Variants in RIC8A observed in about 807,000 individuals in gnomAD.
The protein encoded by RIC8A is chaperone Ric-8A.
RIC8A carries 37 observed loss-of-function variants against 48.4 expected under a neutral mutation model. The ratio of observed to expected loss-of-function variants is 0.77; its 90% CI spans 0.59 to 1.01. RIC8A has a LOEUF of 1.01. Ranked by LOEUF, RIC8A falls within the 50% of genes least tolerant of loss-of-function variation. The pLI is 0.00. For synonymous variants in RIC8A, 288 were observed against 283.4 expected (o/e 1.02, Z -0.16); for missense variants, 681 against 696.8 (o/e 0.98, Z 0.25).
At chr11:212,360 G>C (rs1419316741) in intron 5 of RIC8A, 56 bp from the exon 6 acceptor site, 2 of 1,545,030 alleles carry the variant, frequency 1.3e-6, no homozygotes, top group East Asian at 4.7e-5. Flanking sequence ...GTGTAACTCT[G>C]TGCCAGTCAC....
At chr11:210,873 AC>A in intron 4 of RIC8A, 1 of 611,562 alleles carries the variant, frequency 1.6e-6, no homozygotes, top group Non-Finnish European at 2.9e-6. Context: ...TATGGTACTT[AC>A]TAGGGCACAT....
chr11:210,771 A>G, intron 4 of RIC8A, 109 bp downstream of exon 4: 3 of 1,013,702 alleles, frequency 3.0e-6, no homozygotes, highest in Non-Finnish European at 4.6e-6. Flanking sequence ...CCCACCCTAG[A>G]GAGTCTGACG....
rs749102776 is a variant in RIC8A, at chr11:211,786, A to G, written c.969+437A>G. ...ACAGCTGGGGCTCTAACCATCTTCC[A>G]GGAGCTTGCAGAAAGCAGGCTGGAG... On this transcript the variant is annotated intron_variant, in intron 5 of 9. Transcript: ENST00000526104. This position sits in a 1 kb window ranked among gnomAD's most constrained non-coding sequence, Gnocchi z 4.0. The G allele has an allele frequency of 4.0e-4, 65 of 162,572 alleles. No homozygotes were observed. Among genetic ancestry groups the G allele is most frequent in the Non-Finnish European group, 7.0e-4 (52 of 74,274 alleles). The allele number at this position is 162,572 out of a possible 1,614,324, so 10.1% of individuals were successfully genotyped here. A position where few individuals can be genotyped will look rare whatever the true frequency, so the allele number is the denominator to read the frequency against.
Position 211,228 on chromosome 11 carries a change from C to T in RIC8A, c.848C>T (p.Pro283Leu), listed in dbSNP as rs1369905974. The part of the protein sequence containing the change: ...GHAVNLLGNL[P>L]LKCLDVLLTL... ...GCAGTGAACCTCCTGGGGAACTTGC[C>T]CCTCAAGTGTCTGGATGTTCTCCTC... Residue 283 changes from proline (P) to leucine (L), a missense_variant, in exon 5 of 10, where the codon CCC becomes CTC. Coordinates refer to ENST00000526104, the MANE Select transcript of RIC8A (RefSeq NM_001286134.2). The surrounding 1 kb of genome is among the most constrained non-coding windows in gnomAD (Gnocchi z 4.0). 1 of 1,613,932 alleles carries T rather than the reference C, an allele frequency of 6.2e-7. No individual in the cohort carries two copies. The highest frequency in any genetic ancestry group is 8.5e-7 in the Non-Finnish European group (1 of 1,179,882).
intron 8 of RIC8A, 68 bp downstream of exon 8, chr11:213,049 TGGACCCCTGTAGGGTG>T (rs1855405039): frequency 8.6e-6 from 13 of 1,504,304 alleles, no homozygotes; most frequent in Middle Eastern, 1.8e-4. Flanking sequence ...CACACCCATG[TGGACCCCTGTAGGGTG>T]GGACAGGATG....
At position 214,318 on chromosome 11, in the gene RIC8A, C is replaced by G; in HGVS notation, c.1564C>G (p.Leu522Val). ...CATGTGCGAGACTATGGAGCAGCAG[C>G]TCTCCTCGGACCCTGACTCGGACCC... Reference protein sequence around the residue: ...DAMCETMEQQLSSDPDSDPD With the variant: ...DAMCETMEQQVSSDPDSDPD Residue 522 changes from leucine (L) to valine (V), a missense_variant, in exon 10 of 10, where the codon CTC becomes GTC. Transcript: ENST00000526104. 3 of 1,611,134 alleles carry G rather than the reference C, an allele frequency of 1.9e-6. No homozygotes were observed. The highest frequency in any genetic ancestry group is 1.7e-5 in the Admixed American group (1 of 59,546).
At chr11:212,061 A>C (rs1855372634) in intron 5 of RIC8A, 2 of 280,340 alleles carry the variant, frequency 7.1e-6, no homozygotes, top group East Asian at 9.0e-5. Context: ...TTTGCCACCA[A>C]CATCTGAGGG....
chr11:214,888 A>G lies in RIC8A; in HGVS notation c.*538A>G, dbSNP rs573821106. On this transcript the variant is annotated 3_prime_UTR_variant, in exon 10 of 10. Transcript: ENST00000526104. Reference sequence around the variant, plus strand: ...CTGTCTTCACTGAGCGCAGGGCTGGAGGCCTCTTAGACATTCTCCTTGGTC... The same window carrying G: ...CTGTCTTCACTGAGCGCAGGGCTGGGGGCCTCTTAGACATTCTCCTTGGTC... 14 of 222,996 alleles carry G rather than the reference A, an allele frequency of 6.3e-5. No homozygotes were observed. In the South Asian group the frequency reaches 7.6e-4, roughly 12 times the overall value. The allele number at this position is 222,996 out of a possible 1,614,324, so 13.8% of individuals were successfully genotyped here. A position where few individuals can be genotyped will look rare whatever the true frequency, so the allele number is the denominator to read the frequency against.
Position 211,670 on chromosome 11 carries a change from A to G in RIC8A, c.969+321A>G, listed in dbSNP as rs781155029. Reference sequence around the variant, plus strand: ...ACACAGGCAGCCCTTGATTACAAGCATAGTTGTCCCTCAGCATCCTGAGGA... The same window carrying G: ...ACACAGGCAGCCCTTGATTACAAGCGTAGTTGTCCCTCAGCATCCTGAGGA... On this transcript the variant is annotated intron_variant, in intron 5 of 9. Coordinates refer to ENST00000526104, the MANE Select transcript of RIC8A (RefSeq NM_001286134.2). This position sits in a 1 kb window ranked among gnomAD's most constrained non-coding sequence, Gnocchi z 4.0. 4 of 223,908 alleles carry G rather than the reference A, an allele frequency of 1.8e-5. No homozygotes were observed. The highest frequency in any genetic ancestry group is 3.5e-5 in the Non-Finnish European group (4 of 112,918). 13.9% of individuals were successfully genotyped at this position (223,908 alleles called of 1,614,324 possible). A position where few individuals can be genotyped will look rare whatever the true frequency, so the allele number is the denominator to read the frequency against.
Position 210,017 on chromosome 11 carries a change from A to T in RIC8A, c.726+17A>T. 6.4e-7 allele frequency: 1 copy of T among 1,556,608 alleles called. No individual in the cohort carries two copies. Among genetic ancestry groups the T allele is most frequent in the East Asian group, 2.3e-5 (1 of 44,362 alleles). On this transcript the variant is annotated intron_variant, in intron 3 of 9. Coordinates refer to ENST00000526104, the MANE Select transcript of RIC8A (RefSeq NM_001286134.2). ...GTGGACGAGGTGAGCACTGACCTTA[A>T]CCCATGGATGGGTCTCAACTCAGCT...
Position 209,616 on chromosome 11 carries a change from A to C in RIC8A, c.342A>C (p.Val114=). The change falls in exon 3 of 10, where the codon GTA becomes GTC. Residue 114 remains valine (V), a synonymous_variant. Transcript: ENST00000526104. ...SVPESADMDV[V]LESLKCLCNL... ...CAGAGTCCGCAGACATGGATGTTGT[A>C]CTGGAGTCCCTCAAGTGCCTGTGCA... The C allele has an allele frequency of 6.2e-7, 1 of 1,614,018 alleles. No individual in the cohort carries two copies. Among genetic ancestry groups the C allele is most frequent in the South Asian group, 1.1e-5 (1 of 91,088 alleles).
chr11:208,849 C>T lies in RIC8A; in HGVS notation c.-6C>T. On this transcript the variant is annotated 5_prime_UTR_variant, in exon 1 of 10. Transcript: ENST00000526104. This position sits in a 1 kb window ranked among gnomAD's most constrained non-coding sequence, Gnocchi z 4.8. ...GAAGGGCCCGTCCCGCCTTCCCCGG[C>T]GCGCCATGGAGCCCCGGGCGGTTGC... 8.1e-6 allele frequency: 13 copies of T among 1,606,716 alleles called. No homozygotes were observed. Among genetic ancestry groups the T allele is most frequent in the Non-Finnish European group, 1.1e-5 (13 of 1,177,182 alleles).
At chr11:210,507 A>T in intron 3 of RIC8A, 64 bp from the exon 4 acceptor site, 1 of 1,408,712 alleles carries the variant, frequency 7.1e-7, no homozygotes, top group Non-Finnish European at 1.0e-6. Flanking sequence ...CAGACAGTGG[A>T]GCCTCAGCAG....
chr11:213,471 C>T, intron 9 of RIC8A, 53 bp downstream of exon 9: 8 of 1,548,664 alleles, frequency 5.2e-6, no homozygotes, highest in Non-Finnish European at 4.4e-6. Context: ...AGAGCTGACC[C>T]ACATCCTGTC....
intron 9 of RIC8A, 98 bp from the exon 10 acceptor site, chr11:214,132 C>A: frequency 7.1e-7 from 1 of 1,405,164 alleles, no homozygotes; most frequent in Non-Finnish European, 9.7e-7. Context: ...TGGGAGCAGC[C>A]TACTTGGTAG....
Position 211,112 on chromosome 11 carries a change from G to C in RIC8A, c.819-87G>C. The C allele has an allele frequency of 7.0e-7, 1 of 1,423,986 alleles. No homozygotes were observed. Among genetic ancestry groups the C allele is most frequent in the South Asian group, 1.3e-5 (1 of 75,742 alleles). The allele number at this position is 1,423,986 out of a possible 1,614,324, so 88.2% of individuals were successfully genotyped here. A position where few individuals can be genotyped will look rare whatever the true frequency, so the allele number is the denominator to read the frequency against. On this transcript the variant is annotated intron_variant, in intron 4 of 9. Coordinates refer to ENST00000526104, the MANE Select transcript of RIC8A (RefSeq NM_001286134.2). This position sits in a 1 kb window ranked among gnomAD's most constrained non-coding sequence, Gnocchi z 4.0. Reference sequence around the variant, plus strand: ...CTTTGGGACTCAGATGCCAGCTCATGTAATGTGTGGTTCAGCGGAGTCACA... The same window carrying C: ...CTTTGGGACTCAGATGCCAGCTCATCTAATGTGTGGTTCAGCGGAGTCACA...
Position 208,728 on chromosome 11 carries a change from C to T in RIC8A, c.-127C>T. 1.6e-6 allele frequency: 1 copy of T among 631,876 alleles called. No individual in the cohort carries two copies. The highest frequency in any genetic ancestry group is 3.4e-5 in the East Asian group (1 of 29,770). The allele number at this position is 631,876 out of a possible 1,614,324, so 39.1% of individuals were successfully genotyped here. A position where few individuals can be genotyped will look rare whatever the true frequency, so the allele number is the denominator to read the frequency against. ...GACGCTGCGCCCCGTTAAAGCGCCA[C>T]CAGACGCCGCGCCCCGTCCCGGCCT... is the stretch of plus-strand genomic sequence containing the variant. On this transcript the variant is annotated 5_prime_UTR_variant, in exon 1 of 10. Coordinates refer to ENST00000526104, the MANE Select transcript of RIC8A (RefSeq NM_001286134.2). This position sits in a 1 kb window ranked among gnomAD's most constrained non-coding sequence, Gnocchi z 4.8.
intron 3 of RIC8A, 47 bp from the exon 4 acceptor site, chr11:210,524 G>A (rs1855328668): frequency 7.2e-6 from 11 of 1,537,882 alleles, no homozygotes; most frequent in Non-Finnish European, 9.9e-6. Flanking sequence ...GCAGGCAGCA[G>A]TGGGATGAGT....
At chr11:210,706 C>A in intron 4 of RIC8A, 44 bp downstream of exon 4, 1 of 1,577,242 alleles carries the variant, frequency 6.3e-7, no homozygotes, top group Non-Finnish European at 8.7e-7. Context: ...GCCCACATGT[C>A]TAGATGGTCG....
Sources: gnomAD v4.1 joint callset for allele counts on GRCh38, gnomAD v4.1.1 for gene constraint, Gnocchi (gnomAD v3.1) non-coding constraint, MANE v1.5 for transcripts, NCBI Gene and HGNC (gene_info 2026-07-23, HGNC 2026-07-21) for gene names.